DIAPH3: variants seen among roughly 807,000 people sequenced by gnomAD.
DIAPH3 encodes the protein protein diaphanous homolog 3.
DIAPH3 carries 117 observed loss-of-function variants against 144.3 expected under a neutral mutation model. The observed-to-expected ratio is 0.81, with a 90% CI of 0.70 to 0.95. The LOEUF (loss-of-function observed/expected upper bound fraction) is 0.95, where lower values mean the gene tolerates loss of function less well. Among genes scored for constraint, DIAPH3 ranks in the 40% least tolerant of loss-of-function variants. The pLI, the probability that DIAPH3 is intolerant of heterozygous loss-of-function variation, is 0.00. For synonymous variants in DIAPH3, 519 were observed against 488.9 expected (o/e 1.06, Z -0.81); for missense variants, 1,421 against 1,412.7 (o/e 1.01, Z -0.09).
chr13:60,098,202 T>C (rs977034242), intron 3 of DIAPH3, among the ~76,000 whole-genome samples: 1 of 152,074 alleles, frequency 6.6e-6, no homozygotes, highest in Non-Finnish European at 1.5e-5. Context: ...GAAACAGGGA[T>C]TCAGGTGCAG....
intron 22 of DIAPH3, among the ~76,000 whole-genome samples, chr13:59,840,529 G>A (rs886569272): frequency 6.6e-6 from 1 of 151,884 alleles, no homozygotes; most frequent in Non-Finnish European, 1.5e-5. Flanking sequence ...AAAATAATGT[G>A]TAAGAATATG....
intron 9 of DIAPH3, among the ~76,000 whole-genome samples, chr13:59,999,658 T>G (rs770797885): frequency 1.3e-5 from 2 of 152,190 alleles, no homozygotes; most frequent in Non-Finnish European, 2.9e-5. Context: ...ACATGGGACT[T>G]TGGCTCAAGG....
rs528263152 is a variant in DIAPH3, at chr13:60,091,927, C to A, written c.495+1701G>T. Among the ~76,000 whole-genome samples the A allele has an allele frequency of 6.6e-5, 10 of 152,082 alleles. No individual in the cohort carries two copies. The South Asian group carries it at 1.9e-3, about 29-fold the overall frequency. On this transcript the variant is annotated intron_variant, in intron 4 of 27. Transcript: ENST00000400324. ...ATGTGATCGAAGTTCACTGCAGCCT[C>A]GAACTCCTGGGTTCAAGCAATCCTC...
intron 17 of DIAPH3, among the ~76,000 whole-genome samples, chr13:59,948,765 T>G (rs1263192209): frequency 6.6e-6 from 1 of 152,082 alleles, no homozygotes; most frequent in Non-Finnish European, 1.5e-5. Context: ...CAGCCCATGC[T>G]TTAGATTTTC....
At chr13:60,138,771 GA>G (rs1566815241) in intron 1 of DIAPH3, among the ~76,000 whole-genome samples, 5 of 90,706 alleles carry the variant, frequency 5.5e-5, no homozygotes, top group Middle Eastern at 5.5e-3. Context: ...GAAGGAGAAG[GA>G]GAAGGAGAAG....
Position 59,943,030 on chromosome 13 carries a change from C to A in DIAPH3, c.2075-18160G>T, listed in dbSNP as rs1240358965. On this transcript the variant is annotated intron_variant, in intron 17 of 27. Coordinates refer to ENST00000400324, the MANE Select transcript of DIAPH3 (RefSeq NM_001042517.2). Reference sequence around the variant, plus strand: ...GCATATTTTTCCATATATATATAAGCATTTGTTGCATCTACTTTTAACTGT... The same window carrying A: ...GCATATTTTTCCATATATATATAAGAATTTGTTGCATCTACTTTTAACTGT... Among the ~76,000 whole-genome samples the A allele has an allele frequency of 3.3e-5, 5 of 152,058 alleles. No homozygotes were observed. In the East Asian group the frequency reaches 9.6e-4, roughly 29 times the overall value.
intron 4 of DIAPH3, among the ~76,000 whole-genome samples, chr13:60,049,816 T>C (rs557752691): frequency 2.6e-5 from 4 of 152,212 alleles, no homozygotes; most frequent in Non-Finnish European, 5.9e-5. Flanking sequence ...ATGGGGGAGA[T>C]AGAATAAAGA....
chr13:59,733,569 T>C (rs1435975338), intron 27 of DIAPH3, among the ~76,000 whole-genome samples: 1 of 152,218 alleles, frequency 6.6e-6, no homozygotes, highest in Non-Finnish European at 1.5e-5. Context: ...TGAAGAATAA[T>C]ATCTAAGATA....
rs563850895 is a variant in DIAPH3, at chr13:59,762,433, A to C, written c.3319+11756T>G. Among the ~76,000 whole-genome samples, 21 of 148,240 alleles carry C rather than the reference A, an allele frequency of 1.4e-4. No homozygotes were observed. The South Asian group carries it at 4.6e-3, about 32-fold the overall frequency. On this transcript the variant is annotated intron_variant, in intron 27 of 27. Transcript: ENST00000400324. ...CCATATTTAATTGGAACAATGTTTG[A>C]GGTGGGAGTGGATTATATAAAGGTG...
Position 59,863,218 on chromosome 13 carries a change from T to C in DIAPH3, c.2608-1682A>G, listed in dbSNP as rs577771517. On this transcript the variant is annotated intron_variant, in intron 21 of 27. Transcript: ENST00000400324. ...AGGAGTGGTATGAACACAGGACTAATAGGTAATCTGGTAGCATTCCCTACC... is the reference window on the plus strand; with the variant it reads ...AGGAGTGGTATGAACACAGGACTAACAGGTAATCTGGTAGCATTCCCTACC... Among the ~76,000 whole-genome samples the C allele has an allele frequency of 2.6e-5, 4 of 152,114 alleles. No homozygotes were observed. The East Asian group carries it at 5.8e-4, about 22-fold the overall frequency.
chr13:59,903,910 C>A (rs972541142), intron 20 of DIAPH3, among the ~76,000 whole-genome samples: 3 of 152,134 alleles, frequency 2.0e-5, no homozygotes, highest in Non-Finnish European at 4.4e-5. Context: ...AAGATGAGCA[C>A]AATACACTCT....
chr13:59,930,362 T>C (rs968347304), intron 17 of DIAPH3, among the ~76,000 whole-genome samples: 6 of 152,196 alleles, frequency 3.9e-5, no homozygotes, highest in Non-Finnish European at 8.8e-5. Flanking sequence ...AGTGATGTTA[T>C]AGTGAAAACT....
chr13:60,039,179 T>A (rs2055451363), intron 5 of DIAPH3, among the ~76,000 whole-genome samples: 1 of 152,118 alleles, frequency 6.6e-6, no homozygotes. Flanking sequence ...AGTAAAAGGC[T>A]GACATGGCTC....
At chr13:59,942,620 A>G (rs2048591019) in intron 17 of DIAPH3, among the ~76,000 whole-genome samples, 1 of 152,168 alleles carries the variant, frequency 6.6e-6, no homozygotes, top group South Asian at 2.1e-4. Flanking sequence ...TCCCCAAAGG[A>G]AACTATTGAA....
intron 1 of DIAPH3, among the ~76,000 whole-genome samples, chr13:60,144,089 G>A (rs1421903759): frequency 6.6e-6 from 1 of 151,988 alleles, no homozygotes; most frequent in East Asian, 1.9e-4. Flanking sequence ...TTTGTATGTC[G>A]CAGGTACTAT....
chr13:59,820,975 G>A (rs1001397234), intron 24 of DIAPH3, among the ~76,000 whole-genome samples: 2 of 151,260 alleles, frequency 1.3e-5, no homozygotes, highest in African/African-American at 4.8e-5. Context: ...ATATTTTTGC[G>A]ACATAGAAAA....
At chr13:59,818,544 T>C (rs1206813705) in intron 24 of DIAPH3, among the ~76,000 whole-genome samples, 1 of 151,884 alleles carries the variant, frequency 6.6e-6, no homozygotes, top group Non-Finnish European at 1.5e-5. Context: ...AGTCTCATTT[T>C]ATTTATCTGG....
At chr13:59,670,601 T>C (rs2032308912) in intron 27 of DIAPH3, among the ~76,000 whole-genome samples, 1 of 150,152 alleles carries the variant, frequency 6.7e-6, no homozygotes, top group African/African-American at 2.5e-5. Flanking sequence ...TTTTTTTTTT[T>C]TGAGACAGTC....
At chr13:59,782,017 C>T (rs746263161) in intron 25 of DIAPH3, among the ~76,000 whole-genome samples, 2 of 152,032 alleles carry the variant, frequency 1.3e-5, no homozygotes, top group Non-Finnish European at 2.9e-5. Context: ...TATTTCCCAG[C>T]CTTCAGAACT....
Sources: gnomAD v4.1 joint callset for allele counts (sites outside exome capture counted in the v4.1 genomes callset) on GRCh38, gnomAD v4.1.1 for gene constraint, MANE v1.5 for transcripts, NCBI Gene and HGNC (gene_info 2026-07-23, HGNC 2026-07-21) for gene names.